The following FMNL2 variants were observed in gnomAD, a reference collection of about 807,000 sequenced individuals.
FMNL2 encodes formin like 2, also known as formin-like protein 2.
Under a neutral mutation model 130.2 loss-of-function variants are expected in FMNL2, and 51 were observed. That is an observed-to-expected ratio of 0.39 (90% CI 0.31 to 0.49). FMNL2 has a LOEUF of 0.49. FMNL2 is among the 20% of genes least tolerant of loss of function. FMNL2 has a pLI of 0.85. For synonymous variants in FMNL2, 465 were observed against 467.1 expected, an observed-to-expected ratio of 1.00 and a Z score of 0.06; for missense variants, 977 against 1,316.2, an observed-to-expected ratio of 0.74 and a Z score of 3.99.
At chr2:152,460,008 T>A (rs1035126759) in intron 1 of FMNL2, among the ~76,000 whole-genome samples, 1 of 152,208 alleles carries the variant, frequency 6.6e-6, no homozygotes, top group Admixed American at 6.5e-5. Context: ...AAGAGCTATT[T>A]TAAGATAAAT....
chr2:152,471,911 G>A (rs773219575), intron 1 of FMNL2, among the ~76,000 whole-genome samples: 19 of 152,132 alleles, frequency 1.2e-4, no homozygotes, highest in Non-Finnish European at 8.8e-5. Context: ...GTACTGCCTG[G>A]ATCACAGTTT....
At chr2:152,638,661 A>G (rs1682824620) in intron 23 of FMNL2, among the ~76,000 whole-genome samples, 1 of 152,226 alleles carries the variant, frequency 6.6e-6, no homozygotes, top group African/African-American at 2.4e-5. Flanking sequence ...CAGGGTGAAC[A>G]GAAACACAGC....
intron 1 of FMNL2, among the ~76,000 whole-genome samples, chr2:152,432,756 A>G (rs964879724): frequency 1.3e-5 from 2 of 152,218 alleles, no homozygotes; most frequent in African/African-American, 4.8e-5. Context: ...TGGGACTCTA[A>G]CAAATTTTAA....
intron 1 of FMNL2, among the ~76,000 whole-genome samples, chr2:152,345,657 T>C (rs1336675928): frequency 6.6e-6 from 1 of 152,242 alleles, no homozygotes; most frequent in Non-Finnish European, 1.5e-5. Flanking sequence ...ATCAGGGTTC[T>C]TTATTCCCAA....
At chr2:152,614,749 A>C in intron 11 of FMNL2, 102 bp from the exon 12 acceptor site, 1 of 1,327,602 alleles carries the variant, frequency 7.5e-7, no homozygotes, top group Non-Finnish European at 1.0e-6. Flanking sequence ...TCTCAAAACA[A>C]AACAAAACAA....
chr2:152,621,809 G>GGCCAGACAGAATCAGGAT (rs1681334949), intron 15 of FMNL2, among the ~76,000 whole-genome samples: 1 of 152,152 alleles, frequency 6.6e-6, no homozygotes, highest in Non-Finnish European at 1.5e-5. Flanking sequence ...GGAACCAAGA[G>GGCCAGACAGAATCAGGAT]GCCAGACAGA....
intron 1 of FMNL2, among the ~76,000 whole-genome samples, chr2:152,506,275 A>C (rs1423175836): frequency 6.6e-6 from 1 of 152,166 alleles, no homozygotes; most frequent in Non-Finnish European, 1.5e-5. Context: ...ATTTTAGAAT[A>C]TGGTCTTTCC....
At chr2:152,613,437 C>T (rs931243277) in intron 11 of FMNL2, among the ~76,000 whole-genome samples, 1 of 152,230 alleles carries the variant, frequency 6.6e-6, no homozygotes, top group Non-Finnish European at 1.5e-5. Flanking sequence ...AGCTGCTTCT[C>T]CTTTTGTTCT....
chr2:152,425,926 G>T (rs1451873445), intron 1 of FMNL2, among the ~76,000 whole-genome samples: 1 of 152,176 alleles, frequency 6.6e-6, no homozygotes, highest in Non-Finnish European at 1.5e-5. Flanking sequence ...CACAGAGAGG[G>T]TTGCAGGACC....
intron 6 of FMNL2, among the ~76,000 whole-genome samples, chr2:152,572,493 C>T (rs1195056093): frequency 1.3e-5 from 2 of 152,094 alleles, no homozygotes; most frequent in African/African-American, 4.8e-5. Context: ...AAAGCCATCT[C>T]CTCAGGGAAG....
At chr2:152,575,086 G>A in intron 6 of FMNL2, 50 bp from the exon 7 acceptor site, 1 of 1,158,250 alleles carries the variant, frequency 8.6e-7, no homozygotes, top group East Asian at 2.5e-5. Context: ...ATGTGCCTAT[G>A]CTAAGAAAGT....
intron 4 of FMNL2, among the ~76,000 whole-genome samples, chr2:152,556,157 G>A (rs993150016): frequency 6.6e-6 from 1 of 152,120 alleles, no homozygotes; most frequent in African/African-American, 2.4e-5. Flanking sequence ...AGAAAAATGG[G>A]GGCTCTTTTT....
intron 1 of FMNL2, among the ~76,000 whole-genome samples, chr2:152,446,536 C>T (rs920827464): frequency 2.0e-5 from 3 of 152,076 alleles, no homozygotes; most frequent in Non-Finnish European, 4.4e-5. Context: ...AAAAAAAAAG[C>T]ATGCTCTTAG....
chr2:152,465,153 A>G (rs1689459063), intron 1 of FMNL2, among the ~76,000 whole-genome samples: 1 of 152,218 alleles, frequency 6.6e-6, no homozygotes, highest in Non-Finnish European at 1.5e-5. Context: ...GAGGCTTCAT[A>G]GAGAAGGGGA....
At chr2:152,498,717 A>C (rs902059431) in intron 1 of FMNL2, among the ~76,000 whole-genome samples, 2 of 152,204 alleles carry the variant, frequency 1.3e-5, no homozygotes, top group African/African-American at 4.8e-5. Context: ...GCTGTCTTAT[A>C]TCAGGAATCT....
chr2:152,562,377 A>C (rs1045409564), intron 6 of FMNL2, among the ~76,000 whole-genome samples: 11 of 152,332 alleles, frequency 7.2e-5, no homozygotes, highest in African/African-American at 2.6e-4. Flanking sequence ...TTGTTGTAGA[A>C]TCCATATGTC....
At chr2:152,572,899 G>C (rs995989752) in intron 6 of FMNL2, among the ~76,000 whole-genome samples, 1 of 151,848 alleles carries the variant, frequency 6.6e-6, no homozygotes, top group Admixed American at 6.6e-5. Context: ...TATGCATGAT[G>C]AAGAATTGAT....
At position 152,617,129 on chromosome 2, in the gene FMNL2, G is replaced by T; in HGVS notation, c.1251G>T (p.Met417Ile). 1 of 1,613,970 alleles carries T rather than the reference G, an allele frequency of 6.2e-7. No individual in the cohort carries two copies. ...EKLQDTENEA[M>I]SKIVELEKQL... The stretch of plus-strand genomic sequence containing the variant: ...TGCAAGACACAGAGAATGAAGCCAT[G>T]TCCAAGATTGTGGAACTGGAAAAGC... The change falls in exon 13 of 26, where the codon ATG (methionine) becomes ATT (isoleucine). Residue 417 changes from methionine to isoleucine, a missense_variant. Coordinates refer to ENST00000288670, the MANE Select transcript of FMNL2 (RefSeq NM_052905.4).
chr2:152,588,556 A>C (rs966609902), intron 9 of FMNL2, among the ~76,000 whole-genome samples: 6 of 152,148 alleles, frequency 3.9e-5, no homozygotes, highest in Non-Finnish European at 7.3e-5. Flanking sequence ...CAGGATCAGG[A>C]ATTAGCATGT....
Sources: gnomAD v4.1 joint callset for allele counts (sites outside exome capture counted in the v4.1 genomes callset) on GRCh38, gnomAD v4.1.1 for gene constraint, MANE v1.5 for transcripts, NCBI Gene and HGNC (gene_info 2026-07-23, HGNC 2026-07-21) for gene names.